BMERB1: variants seen among roughly 807,000 people sequenced by gnomAD.
BMERB1 encodes bMERB domain containing 1.
A neutral mutation model predicts 23.6 loss-of-function variants in BMERB1; 12 were observed. That is an observed-to-expected ratio of 0.51 (90% CI 0.33 to 0.82). BMERB1 has a LOEUF of 0.82. BMERB1 is among the 40% of genes least tolerant of loss of function. BMERB1 has a pLI of 0.03. For missense variants in BMERB1, 247 were observed against 255.4 expected (o/e 0.97, Z 0.22); for synonymous variants, 122 against 96.6 (o/e 1.26, Z -1.54).
intron 2 of BMERB1, among the ~76,000 whole-genome samples, chr16:15,528,195 C>T (rs2051928177): frequency 6.6e-6 from 1 of 152,020 alleles, no homozygotes; most frequent in Admixed American, 6.6e-5. Flanking sequence ...ATGAAGATGC[C>T]AGCAGATTCC....
chr16:15,556,371 T>C (rs2030259171), intron 2 of BMERB1, among the ~76,000 whole-genome samples: 1 of 152,068 alleles, frequency 6.6e-6, no homozygotes, highest in South Asian at 2.1e-4. Flanking sequence ...ACAAGCCTGT[T>C]TGATTCTCAT....
At chr16:15,581,443 C>A (rs1320948100) in intron 4 of BMERB1, 112 bp downstream of exon 4, 2 of 788,958 alleles carry the variant, frequency 2.5e-6, no homozygotes, top group East Asian at 2.8e-5. Flanking sequence ...ACAGGCATGG[C>A]CTTGATCCAC....
At chr16:15,482,268 T>A in intron 1 of BMERB1, among the ~76,000 whole-genome samples, 1 of 151,718 alleles carries the variant, frequency 6.6e-6, no homozygotes, top group South Asian at 2.1e-4. Flanking sequence ...TAAGGCAACA[T>A]CTTCTCTGTG....
chr16:15,522,611 G>A (rs1357047062), intron 2 of BMERB1, among the ~76,000 whole-genome samples: 3 of 152,162 alleles, frequency 2.0e-5, no homozygotes, highest in Non-Finnish European at 4.4e-5. Flanking sequence ...GGAAACTGAG[G>A]CACTGAGAGG....
intron 1 of BMERB1, among the ~76,000 whole-genome samples, chr16:15,441,214 T>G (rs153799): frequency 2.0e-5 from 3 of 152,118 alleles, no homozygotes; most frequent in African/African-American, 4.8e-5. Flanking sequence ...TGAACTGTTA[T>G]GTTTTTTGAG....
chr16:15,451,523 A>T (rs914730807), intron 1 of BMERB1, among the ~76,000 whole-genome samples: 2 of 130,806 alleles, frequency 1.5e-5, no homozygotes, highest in Non-Finnish European at 3.3e-5. Context: ...CTATGTGTGT[A>T]TGTACATACT....
chr16:15,456,519 G>C (rs2051088824), intron 1 of BMERB1, among the ~76,000 whole-genome samples: 1 of 151,928 alleles, frequency 6.6e-6, no homozygotes, highest in Non-Finnish European at 1.5e-5. Flanking sequence ...GTATTTTTTA[G>C]TAGAGACTGG....
chr16:15,542,794 C>T (rs1187572063), intron 2 of BMERB1, among the ~76,000 whole-genome samples: 3 of 152,048 alleles, frequency 2.0e-5, no homozygotes, highest in Non-Finnish European at 2.9e-5. Context: ...GGGTGTGGCT[C>T]GCTTACTTGG....
At chr16:15,586,609 C>A in intron 5 of BMERB1, 108 bp from the exon 6 acceptor site, 1 of 861,338 alleles carries the variant, frequency 1.2e-6, no homozygotes, top group Non-Finnish European at 1.9e-6. Context: ...CAAGACCTGG[C>A]CAGGGGTTGC....
intron 2 of BMERB1, among the ~76,000 whole-genome samples, chr16:15,553,140 T>C (rs1247111171): frequency 2.0e-5 from 3 of 152,178 alleles, no homozygotes; most frequent in Admixed American, 6.5e-5. Context: ...CCCGAGTAAC[T>C]GGGATCACAG....
intron 2 of BMERB1, among the ~76,000 whole-genome samples, chr16:15,531,360 C>T (rs2051965371): frequency 6.6e-6 from 1 of 152,118 alleles, no homozygotes; most frequent in Admixed American, 6.5e-5. Context: ...TCCTAAAGTC[C>T]TAGGATTAGA....
At position 15,530,802 on chromosome 16, in the gene BMERB1, C is replaced by T. The variant is rs187198537; in HGVS notation, c.230+15374C>T. On this transcript the variant is annotated intron_variant, in intron 2 of 5. Transcript: ENST00000300006. ...CCCCTGCTGGCATTCATTCTCTCTC[C>T]TGCCGCCTGGTGAAGAGGAACCTTC... 1.1e-3 allele frequency among the ~76,000 whole-genome samples: 169 copies of T among 152,270 alleles called. 2 individuals are homozygous for T. Among genetic ancestry groups the T allele is most frequent in the African/African-American group, 4.0e-3 (166 of 41,560 alleles).
intron 1 of BMERB1, among the ~76,000 whole-genome samples, chr16:15,439,137 A>T (rs755471184): frequency 6.6e-6 from 1 of 152,182 alleles, no homozygotes; most frequent in Non-Finnish European, 1.5e-5. Context: ...AATTTCAACT[A>T]TAGTTTTTAG....
chr16:15,493,602 A>G (rs1452931795), intron 1 of BMERB1, among the ~76,000 whole-genome samples: 5 of 151,970 alleles, frequency 3.3e-5, no homozygotes, highest in Admixed American at 2.0e-4. Context: ...TTCTTCTGCC[A>G]TGATCTGACT....
At chr16:15,467,315 A>G (rs762990072) in intron 1 of BMERB1, among the ~76,000 whole-genome samples, 5 of 152,222 alleles carry the variant, frequency 3.3e-5, no homozygotes, top group Admixed American at 1.3e-4. Context: ...TTGGCAGTGC[A>G]CAAGGGATTC....
At chr16:15,530,387 C>T (rs1356158703) in intron 2 of BMERB1, among the ~76,000 whole-genome samples, 1 of 152,180 alleles carries the variant, frequency 6.6e-6, no homozygotes, top group Non-Finnish European at 1.5e-5. Flanking sequence ...TTAATTTAAT[C>T]ACATCTGCAA....
At chr16:15,539,817 T>G (rs1407901663) in intron 2 of BMERB1, among the ~76,000 whole-genome samples, 1 of 150,074 alleles carries the variant, frequency 6.7e-6, no homozygotes, top group Non-Finnish European at 1.5e-5. Context: ...CACTCCAGCC[T>G]GGTGACAGAG....
At chr16:15,457,669 G>A (rs546078037) in intron 1 of BMERB1, among the ~76,000 whole-genome samples, 40 of 152,294 alleles carry the variant, frequency 2.6e-4, no homozygotes, top group African/African-American at 9.4e-4. Context: ...GCCTCCAGAT[G>A]TTGGTTCAGG....
Position 15,520,869 on chromosome 16 carries a change from T to C in BMERB1, c.230+5441T>C, listed in dbSNP as rs567595772. On this transcript the variant is annotated intron_variant, in intron 2 of 5. Transcript: ENST00000300006. ...GCCCTCATTTGTCTTATCTGAGTTA[T>C]TTCCTCAGGAAGGGACCCCCAGGCC... Among the ~76,000 whole-genome samples, 10 of 152,302 alleles carry C rather than the reference T, an allele frequency of 6.6e-5. No homozygotes were observed. The East Asian group carries it at 1.9e-3, about 29-fold the overall frequency.
Sources: allele counts gnomAD v4.1 joint callset (sites outside exome capture counted in the v4.1 genomes callset), GRCh38; gene constraint gnomAD v4.1.1; transcripts MANE v1.5; gene names NCBI Gene and HGNC (gene_info 2026-07-23, HGNC 2026-07-21).